DIAPH2: variants seen among roughly 807,000 people sequenced by gnomAD.
The protein encoded by DIAPH2 is protein diaphanous homolog 2.
In DIAPH2, 35 loss-of-function variants were observed where a neutral mutation model predicts 92.7. That is an observed-to-expected ratio of 0.38 (90% confidence interval 0.29 to 0.50). The LOEUF (loss-of-function observed/expected upper bound fraction) is 0.50. DIAPH2 is among the 20% of genes least tolerant of loss of function. The pLI is 0.94. For synonymous variants in DIAPH2, 301 were observed against 280.4 expected (o/e 1.07, Z -0.73); for missense variants, 701 against 819.5 (o/e 0.86, Z 1.77).
At chrX:96,727,605 A>G (rs1005238824) in intron 1 of DIAPH2, among the ~76,000 whole-genome samples, 1 of 111,953 alleles carries the variant, frequency 8.9e-6, no homozygotes, top group Non-Finnish European at 1.9e-5. Flanking sequence ...GTAGTTTCTC[A>G]ATGAAGCTAT....
intron 7 of DIAPH2, among the ~76,000 whole-genome samples, chrX:96,913,888 ACT>A (rs1422659725): frequency 5.4e-5 from 6 of 110,274 alleles, no homozygotes; most frequent in African/African-American, 2.0e-4. Flanking sequence ...TATTTTTTTT[ACT>A]GTCTTAGAAA....
At chrX:96,984,123 C>T (rs1386864842) in intron 17 of DIAPH2, among the ~76,000 whole-genome samples, 3 of 111,369 alleles carry the variant, frequency 2.7e-5, no homozygotes, top group Non-Finnish European at 5.7e-5. Flanking sequence ...TAGAGGGGAA[C>T]AAATGTACAG....
intron 4 of DIAPH2, among the ~76,000 whole-genome samples, chrX:96,780,144 G>A (rs2064405642): frequency 8.9e-6 from 1 of 112,270 alleles, no homozygotes; most frequent in Non-Finnish European, 1.9e-5. Flanking sequence ...AACAAAATGT[G>A]TAAATCATCT....
intron 5 of DIAPH2, among the ~76,000 whole-genome samples, chrX:96,901,276 T>A (rs2993477): frequency 0.39 from 41,931 of 108,755 alleles, 7,115 homozygotes; most frequent in South Asian, 0.53. Context: ...TCTTGAATGA[T>A]CTTTTGTATT....
intron 23 of DIAPH2, among the ~76,000 whole-genome samples, chrX:97,253,605 C>G (rs981135211): frequency 9.1e-6 from 1 of 109,638 alleles, no homozygotes. Context: ...AAAAAATTAG[C>G]CAGGCATGGT....
At chrX:97,113,828 A>G (rs1354723023) in intron 20 of DIAPH2, among the ~76,000 whole-genome samples, 9 of 111,930 alleles carry the variant, frequency 8.0e-5, no homozygotes, top group Non-Finnish European at 1.3e-4. Flanking sequence ...ATAATTAGGA[A>G]TGTTAATAAT....
At chrX:97,305,487 C>CTT (rs753662549) in intron 23 of DIAPH2, among the ~76,000 whole-genome samples, 12 of 107,069 alleles carry the variant, frequency 1.1e-4, no homozygotes, top group Non-Finnish European at 1.7e-4. Flanking sequence ...GAGAGAAACT[C>CTT]CGTCTCAAAA....
chrX:97,127,175 C>CT (rs111531603), intron 21 of DIAPH2, among the ~76,000 whole-genome samples: 15,743 of 111,232 alleles, frequency 0.14, 2,055 homozygotes, highest in African/African-American at 0.41. Flanking sequence ...AAATAATTTC[C>CT]TTTTGCCAGA....
intron 4 of DIAPH2, among the ~76,000 whole-genome samples, chrX:96,771,045 G>A: frequency 9.0e-6 from 1 of 111,063 alleles, no homozygotes; most frequent in Non-Finnish European, 1.9e-5. Flanking sequence ...CCCTTCCCGT[G>A]CATTGTCATA....
At chrX:96,892,810 C>T (rs751400046) in intron 5 of DIAPH2, among the ~76,000 whole-genome samples, 1 of 111,167 alleles carries the variant, frequency 9.0e-6, no homozygotes, top group Non-Finnish European at 1.9e-5. Context: ...TACATTTTCT[C>T]GTTTAAATGA....
At chrX:96,967,665 C>A (rs2065902276) in intron 17 of DIAPH2, among the ~76,000 whole-genome samples, 2 of 110,717 alleles carry the variant, frequency 1.8e-5, no homozygotes, top group African/African-American at 6.6e-5. Context: ...AATCCACCCG[C>A]CTCGACCTCC....
At chrX:97,027,746 G>A (rs186227762) in intron 17 of DIAPH2, among the ~76,000 whole-genome samples, 1,678 of 112,061 alleles carry the variant, frequency 0.015, 14 homozygotes, top group Middle Eastern at 0.023. Flanking sequence ...TATTTAGAGA[G>A]CATCGGTAGC....
At chrX:96,784,243 A>G (rs755698390) in intron 4 of DIAPH2, among the ~76,000 whole-genome samples, 1 of 112,265 alleles carries the variant, frequency 8.9e-6, no homozygotes, top group African/African-American at 3.2e-5. Flanking sequence ...ATAATACAGT[A>G]ACAGGATTAG....
At chrX:97,180,037 T>C (rs935447585) in intron 22 of DIAPH2, among the ~76,000 whole-genome samples, 6 of 111,525 alleles carry the variant, frequency 5.4e-5, no homozygotes, top group African/African-American at 2.0e-4. Context: ...GAATTCAAGA[T>C]GAGATTTAGG....
At chrX:97,006,577 C>T (rs1309684473) in intron 17 of DIAPH2, among the ~76,000 whole-genome samples, 6 of 112,233 alleles carry the variant, frequency 5.3e-5, no homozygotes, top group Non-Finnish European at 9.4e-5. Flanking sequence ...ATTTTGTCTA[C>T]TCCTGCTCTT....
chrX:96,694,274 A>C (rs1407981435), intron 1 of DIAPH2, among the ~76,000 whole-genome samples: 1 of 108,694 alleles, frequency 9.2e-6, no homozygotes, highest in Non-Finnish European at 1.9e-5. Flanking sequence ...CCCTTTCTGC[A>C]CTCCTTTCAG....
chrX:97,570,101 T>G lies in DIAPH2; in HGVS notation c.3242-29152T>G, dbSNP rs1569426140. Among the ~76,000 whole-genome samples the G allele has an allele frequency of 1.6e-3, 51 of 31,261 alleles. 1 individual carries two copies. Among genetic ancestry groups the G allele is most frequent in the Middle Eastern group, 0.035 (2 of 57 alleles). The allele number at this position is 31,261 out of a possible 115,157, so 27.1% of individuals were successfully genotyped here. A position where few individuals can be genotyped will look rare whatever the true frequency, so the allele number is the denominator to read the frequency against. On this transcript the variant is annotated intron_variant, in intron 26 of 26. Coordinates refer to ENST00000324765, the MANE Select transcript of DIAPH2 (RefSeq NM_006729.5). ...ATATATATATATATATATATATATA[T>G]ATATATATATATATATATATATTAG...
chrX:97,484,407 C>T (rs1697417991), intron 26 of DIAPH2, among the ~76,000 whole-genome samples: 1 of 111,825 alleles, frequency 8.9e-6, no homozygotes, highest in Non-Finnish European at 1.9e-5. Flanking sequence ...AATAACATAA[C>T]GAATATAAAA....
chrX:96,921,169 A>G (rs376492833), intron 9 of DIAPH2, among the ~76,000 whole-genome samples: 1 of 112,198 alleles, frequency 8.9e-6, no homozygotes, highest in South Asian at 3.7e-4. Context: ...TTAAATAACA[A>G]CTATATACAT....
Sources: allele counts gnomAD v4.1 joint callset (sites outside exome capture counted in the v4.1 genomes callset), GRCh38; gene constraint gnomAD v4.1.1; transcripts MANE v1.5; gene names NCBI Gene and HGNC (gene_info 2026-07-23, HGNC 2026-07-21).